The following WWTR1 variants were observed in gnomAD, a reference collection of about 807,000 sequenced individuals.
WWTR1 encodes the protein WW domain containing transcription regulator 1.
In WWTR1, 13 loss-of-function variants were observed where a neutral mutation model predicts 40.1. That is an observed-to-expected ratio of 0.32 (90% CI 0.21 to 0.52). The LOEUF (loss-of-function observed/expected upper bound fraction) is 0.52, where lower values mean the gene tolerates loss of function less well. Ranked by LOEUF, WWTR1 falls within the 20% of genes least tolerant of loss-of-function variation. WWTR1 has a pLI of 0.97. For synonymous variants in WWTR1, 230 were observed against 210.1 expected, an observed-to-expected ratio of 1.09 and a Z score of -0.82; for missense variants, 436 against 523.1, an observed-to-expected ratio of 0.83 and a Z score of 1.63.
chr3:149,591,392 T>A (rs1213928983), intron 2 of WWTR1, among the ~76,000 whole-genome samples: 1 of 152,234 alleles, frequency 6.6e-6, no homozygotes, highest in East Asian at 1.9e-4. Context: ...TTTTTATTAA[T>A]GCTTTTAATA....
At chr3:149,624,444 A>G (rs1470466321) in intron 2 of WWTR1, among the ~76,000 whole-genome samples, 3 of 152,188 alleles carry the variant, frequency 2.0e-5, no homozygotes, top group Non-Finnish European at 4.4e-5. Context: ...TTCAGCTGGA[A>G]CAGTCCTGAC....
intron 2 of WWTR1, among the ~76,000 whole-genome samples, chr3:149,577,014 G>A (rs1446762937): frequency 4.6e-5 from 7 of 152,050 alleles, no homozygotes; most frequent in South Asian, 2.1e-4. Flanking sequence ...AAAATTAGCC[G>A]GCTGTGGTGG....
intron 1 of WWTR1, among the ~76,000 whole-genome samples, chr3:149,699,689 T>G (rs990099275): frequency 1.3e-5 from 2 of 152,222 alleles, no homozygotes; most frequent in Non-Finnish European, 2.9e-5. Context: ...TAACCTGTAC[T>G]GCAGTTCCCA....
chr3:149,634,864 C>T (rs571956164), intron 2 of WWTR1, among the ~76,000 whole-genome samples: 12 of 152,346 alleles, frequency 7.9e-5, no homozygotes, highest in African/African-American at 2.4e-4. Flanking sequence ...CCTCCAGACC[C>T]GGCCACGGTA....
chr3:149,566,425 C>T (rs1029611770), intron 3 of WWTR1, among the ~76,000 whole-genome samples: 18 of 152,006 alleles, frequency 1.2e-4, no homozygotes, highest in Non-Finnish European at 1.9e-4. Flanking sequence ...TGGGTTTGTG[C>T]GTGTATGTGC....
chr3:149,635,026 C>T (rs143582167), intron 2 of WWTR1, among the ~76,000 whole-genome samples: 190 of 152,260 alleles, frequency 1.2e-3, no homozygotes, highest in African/African-American at 4.4e-3. Context: ...GAGGGAGAAA[C>T]ACATTCTGTG....
At chr3:149,559,654 C>T (rs1325879136) in intron 3 of WWTR1, among the ~76,000 whole-genome samples, 3 of 152,158 alleles carry the variant, frequency 2.0e-5, no homozygotes, top group Admixed American at 6.5e-5. Context: ...ATTCTCAGTC[C>T]GGCAGGGACC....
chr3:149,639,540 G>A (rs796188339), intron 2 of WWTR1, among the ~76,000 whole-genome samples: 38 of 152,160 alleles, frequency 2.5e-4, no homozygotes, highest in African/African-American at 8.7e-4. Context: ...AGACAGCTTG[G>A]ACAACATGTC....
intron 2 of WWTR1, among the ~76,000 whole-genome samples, chr3:149,665,674 T>C (rs757049378): frequency 1.1e-4 from 17 of 152,176 alleles, no homozygotes; most frequent in Non-Finnish European, 2.2e-4. Flanking sequence ...ATAATTTTAA[T>C]GAGAAAAATT....
At chr3:149,695,252 A>G (rs1184675549) in intron 1 of WWTR1, among the ~76,000 whole-genome samples, 1 of 152,212 alleles carries the variant, frequency 6.6e-6, no homozygotes, top group African/African-American at 2.4e-5. Context: ...TTGACAGCAC[A>G]ACAGGGTGAC....
chr3:149,523,882 A>G (rs1037919542), intron 6 of WWTR1, among the ~76,000 whole-genome samples: 4 of 152,246 alleles, frequency 2.6e-5, no homozygotes, highest in African/African-American at 9.6e-5. Flanking sequence ...AGGTGGCCCC[A>G]CACTCAATGA....
intron 5 of WWTR1, among the ~76,000 whole-genome samples, chr3:149,712,906 A>G (rs1715515318): frequency 6.6e-6 from 1 of 152,234 alleles, no homozygotes; most frequent in Non-Finnish European, 1.5e-5. Flanking sequence ...GACATTCGCA[A>G]AAGTGGAAAC....
chr3:149,641,357 C>T (rs1046211604), intron 2 of WWTR1, among the ~76,000 whole-genome samples: 2 of 152,124 alleles, frequency 1.3e-5, no homozygotes, highest in Admixed American at 6.5e-5. Context: ...AAGGGCCTTT[C>T]GAGAACTCTT....
At chr3:149,547,938 A>G (rs1242410364) in intron 3 of WWTR1, among the ~76,000 whole-genome samples, 1 of 141,060 alleles carries the variant, frequency 7.1e-6, no homozygotes, top group Non-Finnish European at 1.6e-5. Flanking sequence ...AATATAAAGG[A>G]AAAAATCACA....
At chr3:149,676,233 A>T (rs1408683532) in intron 1 of WWTR1, among the ~76,000 whole-genome samples, 3 of 144,218 alleles carry the variant, frequency 2.1e-5, no homozygotes, top group Non-Finnish European at 3.0e-5. Flanking sequence ...TCAGAACAGG[A>T]ATTCTGATTT....
At chr3:149,551,189 C>T (rs1252486795) in intron 3 of WWTR1, among the ~76,000 whole-genome samples, 1 of 143,694 alleles carries the variant, frequency 7.0e-6, no homozygotes, top group African/African-American at 2.7e-5. Context: ...CCCAGCTACT[C>T]GGGAGTCTGC....
In WWTR1 at chr3:149,518,056, C is replaced by A. The variant is rs1734870663; in HGVS notation, c.*2749G>T. ...AACACTTACAATAATAGGAAATAGC[C>A]ATTAAAAAGTTGCTCTAACTTTAGA... On this transcript the variant is annotated 3_prime_UTR_variant, in exon 7 of 7. Coordinates refer to ENST00000360632, the MANE Select transcript of WWTR1 (RefSeq NM_015472.6). The A allele has an allele frequency of 6.6e-6, 1 of 151,960 alleles. No individual in the cohort carries two copies. Among genetic ancestry groups the A allele is most frequent in the African/African-American group, 2.4e-5 (1 of 41,396 alleles). The allele number at this position is 151,960 out of a possible 1,614,324, so 9.4% of individuals were successfully genotyped here. A position where few individuals can be genotyped will look rare whatever the true frequency, so the allele number is the denominator to read the frequency against.
chr3:149,573,092 C>T (rs1737723271), intron 2 of WWTR1, 92 bp from the exon 3 acceptor site: 2 of 1,332,228 alleles, frequency 1.5e-6, no homozygotes, highest in Non-Finnish European at 2.1e-6. Flanking sequence ...GACACTAATT[C>T]TTCCCTTAGG....
rs531013433 is a variant in WWTR1, at chr3:149,654,918, T to G, written c.431+1958A>C. ...GCGGGCAGATCACGAGGTCAGGAGA[T>G]AGAGACCATCCTGGCTAACATGTTG... On this transcript the variant is annotated intron_variant, in intron 2 of 6. Coordinates refer to ENST00000360632, the MANE Select transcript of WWTR1 (RefSeq NM_015472.6). Among the ~76,000 whole-genome samples, 3 of 146,864 alleles carry G rather than the reference T, an allele frequency of 2.0e-5. No individual in the cohort carries two copies. In the South Asian group the frequency reaches 6.5e-4, roughly 32 times the overall value.
Sources: allele counts gnomAD v4.1 joint callset (sites outside exome capture counted in the v4.1 genomes callset), GRCh38; gene constraint gnomAD v4.1.1; transcripts MANE v1.5; gene names NCBI Gene and HGNC (gene_info 2026-07-23, HGNC 2026-07-21).